The following PRDM7 variants were observed in gnomAD, a reference collection of about 807,000 sequenced individuals.
PRDM7 encodes histone-lysine N-methyltransferase PRDM7.
PRDM7 carries 52 observed loss-of-function variants against 64.3 expected under a neutral mutation model. The ratio of observed to expected loss-of-function variants is 0.81; its 90% CI spans 0.65 to 1.02. PRDM7 has a LOEUF of 1.02. Among genes scored for constraint, PRDM7 ranks in the 50% least tolerant of loss-of-function variants. The probability of loss-of-function intolerance (pLI) is 0.00; values close to 1 mark genes in which losing one functional copy is unlikely to be tolerated. For synonymous variants in PRDM7, 192 were observed against 210.1 expected, an observed-to-expected ratio of 0.91 and a Z score of 0.74; for missense variants, 574 against 597.1, an observed-to-expected ratio of 0.96 and a Z score of 0.40.
intron 9 of PRDM7, 117 bp downstream of exon 9, chr16:90,061,335 G>GA: frequency 9.4e-7 from 1 of 1,067,614 alleles, no homozygotes; most frequent in South Asian, 1.4e-5. Context: ...ATTGTATGGA[G>GA]AAAAATAGAA....
In PRDM7 at chr16:90,075,801, G is replaced by C. The variant is rs777711442; in HGVS notation, c.69+41C>G. 1.1e-5 allele frequency: 17 copies of C among 1,599,242 alleles called. No individual in the cohort carries two copies. The highest frequency in any genetic ancestry group is 6.7e-5 in the African/African-American group (5 of 74,588). ...GGAGTCTGCAGCACTCCAGAGATCA[G>C]CTCCTGCTGGGAGTCTGGCTTCGCC... On this transcript the variant is annotated intron_variant, in intron 2 of 10. Transcript: ENST00000449207. The surrounding 1 kb of genome is among the most constrained non-coding windows in gnomAD (Gnocchi z 4.3).
At chr16:90,065,348 G>A (rs1254568249) in intron 5 of PRDM7, among the ~76,000 whole-genome samples, 5 of 140,430 alleles carry the variant, frequency 3.6e-5, no homozygotes, top group Non-Finnish European at 6.0e-5. Flanking sequence ...AGCCGAGATC[G>A]CGCCACTGCA....
chr16:90,073,439 G>A (rs1363943899), intron 4 of PRDM7, among the ~76,000 whole-genome samples: 4 of 148,642 alleles, frequency 2.7e-5, no homozygotes, highest in Admixed American at 6.7e-5. Context: ...TCGCTCTGTC[G>A]CCCAGGCCGG....
At chr16:90,058,590 T>C (rs1433283633) in intron 10 of PRDM7, 56 bp from the exon 11 acceptor site, 13 of 1,547,062 alleles carry the variant, frequency 8.4e-6, no homozygotes, top group South Asian at 7.8e-5. Context: ...TTACTACATA[T>C]GAAGGTATGA....
chr16:90,065,252 G>C (rs1367075972), intron 5 of PRDM7, among the ~76,000 whole-genome samples: 1 of 148,764 alleles, frequency 6.7e-6, no homozygotes, highest in African/African-American at 2.5e-5. Context: ...AACTAGCCGG[G>C]TGTGGTGGCG....
intron 5 of PRDM7, 39 bp from the exon 6 acceptor site, chr16:90,063,807 T>C (rs1468901319): frequency 6.2e-7 from 1 of 1,609,252 alleles, no homozygotes; most frequent in African/African-American, 1.3e-5. Context: ...ACAACGTGCA[T>C]TTATTTAGTT....
At position 90,068,147 on chromosome 16, in the gene PRDM7, C is replaced by G. The variant is rs1237022072; in HGVS notation, c.302-1237G>C. Among the ~76,000 whole-genome samples the G allele has an allele frequency of 2.0e-5, 3 of 150,834 alleles. 1 individual carries two copies. Among genetic ancestry groups the G allele is most frequent in the Admixed American group, 1.3e-4 (2 of 15,168 alleles). ...ATGATTCATTAGCTGGGCATGGTGG[C>G]GGGCACCTATAGTCCCAGCTACTCG... On this transcript the variant is annotated intron_variant, in intron 4 of 10. Transcript: ENST00000449207.
chr16:90,060,259 C>A lies in PRDM7; in HGVS notation c.1233+82G>T, dbSNP rs1479967930. 3 of 1,606,542 alleles carry A rather than the reference C, an allele frequency of 1.9e-6. No individual in the cohort carries two copies. The Admixed American group carries it at 5.1e-5, about 27-fold the overall frequency. On this transcript the variant is annotated intron_variant, in intron 10 of 10. Coordinates refer to ENST00000449207, the MANE Select transcript of PRDM7 (RefSeq NM_001098173.2). Reference sequence around the variant, plus strand: ...TACTGACTTTAGACGGCGTTTTACTCTACTTAAGAGTTCAATCATGAAAAT... The same window carrying A: ...TACTGACTTTAGACGGCGTTTTACTATACTTAAGAGTTCAATCATGAAAAT...
intron 10 of PRDM7, 40 bp from the exon 11 acceptor site, chr16:90,058,574 C>G (rs1359546740): frequency 6.3e-7 from 1 of 1,587,056 alleles, no homozygotes; most frequent in African/African-American, 1.3e-5. Flanking sequence ...ATGTTTTGTT[C>G]AGGCCTTACT....
intron 1 of PRDM7, among the ~76,000 whole-genome samples, chr16:90,076,607 T>C (rs1456230741): frequency 6.6e-6 from 1 of 151,938 alleles, no homozygotes; most frequent in Non-Finnish European, 1.5e-5. Context: ...CTGAGGAGCT[T>C]TGGTATCCCT....
In PRDM7 at chr16:90,065,682, C is replaced by T. The variant is rs150247407; in HGVS notation, c.351+1179G>A. Among the ~76,000 whole-genome samples, 92 of 151,302 alleles carry T rather than the reference C, an allele frequency of 6.1e-4. 2 individuals carry two copies. The highest frequency in any genetic ancestry group is 1.7e-3 in the Admixed American group (26 of 15,244). ...CCTAGGAGATGGAGGCTGCAGTAAG[C>T]CGAGATTGAGCCATTGCACTGCAGC... On this transcript the variant is annotated intron_variant, in intron 5 of 10. Transcript: ENST00000449207.
intron 4 of PRDM7, 140 bp downstream of exon 4, chr16:90,074,776 G>C: frequency 1.3e-6 from 1 of 786,454 alleles, no homozygotes; most frequent in South Asian, 1.7e-5. Flanking sequence ...TTATTTGGGA[G>C]GCTGAGGCAG....
chr16:90,067,178 C>G (rs2037888426), intron 4 of PRDM7, among the ~76,000 whole-genome samples: 1 of 151,036 alleles, frequency 6.6e-6, no homozygotes, highest in African/African-American at 2.5e-5. Context: ...GTTGGCGATG[C>G]TGGTCTCGAA....
intron 4 of PRDM7, 56 bp downstream of exon 4, chr16:90,074,860 C>A: frequency 1.3e-6 from 2 of 1,566,688 alleles, no homozygotes; most frequent in Non-Finnish European, 1.7e-6. Context: ...GCCTGGGCAA[C>A]AAGAGCGAAA....
At position 90,061,451 on chromosome 16, in the gene PRDM7, C is replaced by T. The variant is rs1389959587; in HGVS notation, c.950+1G>A. 1.3e-6 allele frequency: 2 copies of T among 1,594,204 alleles called. No homozygotes were observed. Among genetic ancestry groups the T allele is most frequent in the Non-Finnish European group, 1.7e-6 (2 of 1,161,916 alleles). ...GAAACTAAGAGACCTAGTGGCCTTA[C>T]CTCATCCAGTTGGCCGAGGATTTAT... On this transcript the variant is annotated splice_donor_variant, in intron 9 of 10. Coordinates refer to ENST00000449207, the MANE Select transcript of PRDM7 (RefSeq NM_001098173.2). LOFTEE classifies it high-confidence loss of function.
chr16:90,074,308 T>G (rs2038003838), intron 4 of PRDM7, among the ~76,000 whole-genome samples: 1 of 151,354 alleles, frequency 6.6e-6, no homozygotes, highest in African/African-American at 2.4e-5. Context: ...ATCATCATCA[T>G]CATCATCATC....
At position 90,058,003 on chromosome 16, in the gene PRDM7, C is replaced by G. The variant is rs1157232758; in HGVS notation, c.*286G>C. 1.2e-6 allele frequency: 2 copies of G among 1,607,378 alleles called. No individual in the cohort carries two copies. Among genetic ancestry groups the G allele is most frequent in the African/African-American group, 2.7e-5 (2 of 74,822 alleles). ...GGAGGTCTGACTTCCGGCTAAAGCC[C>G]TCCCACACTCTCTGCAGACGTAGGG... On this transcript the variant is annotated 3_prime_UTR_variant, in exon 11 of 11. Transcript: ENST00000449207.
chr16:90,059,419 C>T (rs561169587), intron 10 of PRDM7, among the ~76,000 whole-genome samples: 1 of 152,358 alleles, frequency 6.6e-6, no homozygotes, highest in South Asian at 2.1e-4. Flanking sequence ...TGCTCCCCAC[C>T]TTCATCCTGC....
chr16:90,060,099 G>T (rs1333971787), intron 10 of PRDM7, among the ~76,000 whole-genome samples: 1 of 152,190 alleles, frequency 6.6e-6, no homozygotes, highest in African/African-American at 2.4e-5. Context: ...AGCACTGTAT[G>T]CTGTTATATA....
Sources: allele counts gnomAD v4.1 joint callset (sites outside exome capture counted in the v4.1 genomes callset), GRCh38; gene constraint gnomAD v4.1.1; non-coding constraint Gnocchi (gnomAD v3.1); transcripts MANE v1.5; gene names NCBI Gene and HGNC (gene_info 2026-07-23, HGNC 2026-07-21).